Variants in BANK1 observed in about 807,000 individuals in gnomAD.
The protein encoded by BANK1 is B-cell scaffold protein with ankyrin repeats.
In BANK1, 95 loss-of-function variants were observed where a neutral mutation model predicts 94.5. The ratio of observed to expected loss-of-function variants is 1.00; its 90% confidence interval spans 0.85 to 1.19. BANK1 has a LOEUF of 1.19. Among genes scored for constraint, BANK1 ranks in the 50% most tolerant of loss-of-function variants. The pLI is 0.00. For missense variants in BANK1, 987 were observed against 932.2 expected, an observed-to-expected ratio of 1.06 and a Z score of -0.77; for synonymous variants, 334 against 308.4, an observed-to-expected ratio of 1.08 and a Z score of -0.87.
chr4:101,944,432 C>T (rs548736451), intron 7 of BANK1, among the ~76,000 whole-genome samples: 18 of 151,962 alleles, frequency 1.2e-4, no homozygotes, highest in African/African-American at 4.3e-4. Flanking sequence ...TTTTTGCTAA[C>T]CCTTTACACT....
At chr4:102,027,098 C>T (rs1369821305) in intron 9 of BANK1, among the ~76,000 whole-genome samples, 1 of 152,100 alleles carries the variant, frequency 6.6e-6, no homozygotes, top group Admixed American at 6.5e-5. Context: ...GGGGAGAAAA[C>T]ATCATAAGTT....
chr4:101,972,493 A>C (rs1724989999), intron 7 of BANK1: 1 of 151,988 alleles, frequency 6.6e-6, no homozygotes, highest in Non-Finnish European at 1.5e-5. Context: ...TCTTAATTAC[A>C]CTCATTGCCA....
intron 8 of BANK1, among the ~76,000 whole-genome samples, chr4:102,022,269 C>T (rs1272827249): frequency 6.6e-6 from 1 of 152,126 alleles, no homozygotes; most frequent in Non-Finnish European, 1.5e-5. Flanking sequence ...TCTCCACCTG[C>T]TGACTTCCCC....
At chr4:102,022,663 T>G (rs1726955096) in intron 8 of BANK1, among the ~76,000 whole-genome samples, 1 of 152,180 alleles carries the variant, frequency 6.6e-6, no homozygotes, top group Admixed American at 6.5e-5. Flanking sequence ...ACGCCTTCAA[T>G]AGCAACTTCC....
rs1216592101 is a variant in BANK1 at position 101,832,917 on chromosome 4, C to A, written c.469+2711C>A. On this transcript the variant is annotated intron_variant, in intron 2 of 16. Transcript: ENST00000322953. ...CTTCCTCCCTTCCTTCCCTCCCTCTCTCCTTCCCTTTCTCACTTTTTCTCT... is the reference window on the plus strand; with the variant it reads ...CTTCCTCCCTTCCTTCCCTCCCTCTATCCTTCCCTTTCTCACTTTTTCTCT... 7.9e-5 allele frequency among the ~76,000 whole-genome samples: 12 copies of A among 151,312 alleles called. No individual in the cohort carries two copies. The East Asian group carries it at 1.9e-3, about 25-fold the overall frequency.
chr4:102,057,713 C>G (rs1288947148), intron 11 of BANK1, among the ~76,000 whole-genome samples: 1 of 152,104 alleles, frequency 6.6e-6, no homozygotes, highest in Non-Finnish European at 1.5e-5. Flanking sequence ...TATGGTGTGA[C>G]ATCACATTGA....
intron 14 of BANK1, 59 bp downstream of exon 14, chr4:102,071,363 A>G (rs538064521): frequency 5.4e-6 from 8 of 1,486,334 alleles, no homozygotes; most frequent in Admixed American, 5.2e-5. Flanking sequence ...GAGTAAATCA[A>G]TTTCAATATT....
At chr4:101,864,236 A>C (rs563843950) in intron 4 of BANK1, among the ~76,000 whole-genome samples, 2 of 152,320 alleles carry the variant, frequency 1.3e-5, no homozygotes, top group East Asian at 3.9e-4. Context: ...GCTTTGTAGC[A>C]ATATTCAAGA....
chr4:101,805,375 T>C (rs1341322336), intron 1 of BANK1, among the ~76,000 whole-genome samples: 1 of 152,082 alleles, frequency 6.6e-6, no homozygotes, highest in African/African-American at 2.4e-5. Flanking sequence ...GCTTTAGTAC[T>C]CAGGTGGGAT....
At chr4:101,925,154 G>A (rs1256382724) in intron 7 of BANK1, among the ~76,000 whole-genome samples, 1 of 151,476 alleles carries the variant, frequency 6.6e-6, no homozygotes, top group African/African-American at 2.4e-5. Context: ...TTACCTTGTA[G>A]TATTTATTTG....
chr4:101,958,089 G>T (rs532994027), intron 7 of BANK1, among the ~76,000 whole-genome samples: 1 of 152,000 alleles, frequency 6.6e-6, no homozygotes, highest in Non-Finnish European at 1.5e-5. Context: ...CCCGTGATCT[G>T]CCCACCTCGG....
At chr4:101,960,509 G>A (rs966181519) in intron 7 of BANK1, among the ~76,000 whole-genome samples, 4 of 151,970 alleles carry the variant, frequency 2.6e-5, no homozygotes, top group African/African-American at 9.7e-5. Context: ...TTATTTAGTG[G>A]GTAGTGGGGA....
intron 1 of BANK1, among the ~76,000 whole-genome samples, chr4:101,799,766 T>C (rs975301782): frequency 5.9e-5 from 9 of 151,906 alleles, no homozygotes; most frequent in Admixed American, 5.9e-4. Context: ...CCCAGCTACT[T>C]GGGAGGCTGA....
intron 7 of BANK1, among the ~76,000 whole-genome samples, chr4:101,979,513 G>GT (rs1172645121): frequency 6.6e-6 from 1 of 151,664 alleles, no homozygotes; most frequent in African/African-American, 2.4e-5. Context: ...AGAATAAGTT[G>GT]TTTTCAGAAA....
chr4:101,798,393 G>A (rs976253775), intron 1 of BANK1, among the ~76,000 whole-genome samples: 5 of 152,138 alleles, frequency 3.3e-5, no homozygotes, highest in African/African-American at 9.7e-5. Flanking sequence ...CCAAAGGGGG[G>A]TTTTCTGCTA....
At chr4:102,071,237 A>T in intron 13 of BANK1, 38 bp from the exon 14 acceptor site, 1 of 1,606,276 alleles carries the variant, frequency 6.2e-7, no homozygotes, top group Non-Finnish European at 8.5e-7. Context: ...TAAATATTGA[A>T]CAAAACTCAG....
At chr4:102,006,341 G>A (rs1726260837) in intron 7 of BANK1, among the ~76,000 whole-genome samples, 1 of 151,988 alleles carries the variant, frequency 6.6e-6, no homozygotes, top group African/African-American at 2.4e-5. Context: ...AAATGCCAGT[G>A]ACTGGGTCCC....
At chr4:101,883,604 C>T (rs1728751256) in intron 5 of BANK1, among the ~76,000 whole-genome samples, 1 of 152,152 alleles carries the variant, frequency 6.6e-6, no homozygotes, top group Non-Finnish European at 1.5e-5. Context: ...GTCTCATTGG[C>T]TGAGGTTGGC....
chr4:101,820,885 T>C (rs544451241), intron 1 of BANK1, among the ~76,000 whole-genome samples: 49 of 152,316 alleles, frequency 3.2e-4, no homozygotes, highest in Admixed American at 8.5e-4. Context: ...GATGGGCTCT[T>C]AGGTTGATAC....
Sources: gnomAD v4.1 joint callset for allele counts (sites outside exome capture counted in the v4.1 genomes callset) on GRCh38, gnomAD v4.1.1 for gene constraint, MANE v1.5 for transcripts, NCBI Gene and HGNC (gene_info 2026-07-23, HGNC 2026-07-21) for gene names.